ZNF433: variants seen among roughly 807,000 people sequenced by gnomAD.
The protein encoded by ZNF433 is zinc finger protein 433.
A neutral mutation model predicts 10.6 loss-of-function variants in ZNF433; 12 were observed. That is an observed-to-expected ratio of 1.13 (90% CI 0.72 to 1.83). The LOEUF (loss-of-function observed/expected upper bound fraction) is 1.83, where lower values mean the gene tolerates loss of function less well. Among genes scored for constraint, ZNF433 ranks in the 40% most tolerant of loss-of-function variants. The probability of loss-of-function intolerance (pLI) is 0.00; values close to 1 mark genes in which losing one functional copy is unlikely to be tolerated. For synonymous variants in ZNF433, 272 were observed against 271.3 expected (o/e 1.00, Z -0.02); for missense variants, 737 against 798.0 (o/e 0.92, Z 0.92).
chr19:12,024,669 T>C (rs1974653624), intron 1 of ZNF433: 1 of 152,166 alleles, frequency 6.6e-6, no homozygotes, highest in Admixed American at 6.5e-5. Flanking sequence ...ATAAATAGAA[T>C]AGATCCAGAG....
At position 12,015,939 on chromosome 19, in the gene ZNF433, A is replaced by G; in HGVS notation, c.919T>C (p.Tyr307His). 1 of 1,614,110 alleles carries G rather than the reference A, an allele frequency of 6.2e-7. No individual in the cohort carries two copies. Among genetic ancestry groups the G allele is most frequent in the African/African-American group, 1.3e-5 (1 of 75,046 alleles). The change falls in exon 4 of 4, where the codon TAT becomes CAT. Residue 307 changes from tyrosine (Y) to histidine (H), a missense_variant. Transcript: ENST00000550507. Reference protein sequence around the residue: ...HERTHTGEKPYECKECGKAFK... With the variant: ...HERTHTGEKPHECKECGKAFK... ...GCTTTTCCACATTCCTTACATTCAT[A>G]TGGCTTCTCCCCCGTGTGAGTTCTT...
At chr19:12,017,828 C>A in intron 3 of ZNF433, 48 bp downstream of exon 3, 6 of 1,065,464 alleles carry the variant, frequency 5.6e-6, no homozygotes, top group South Asian at 4.4e-5. Context: ...TTCTCCCATT[C>A]TAAGATTTTC....
chr19:12,035,091 T>A (rs1975219138), intron 1 of ZNF433, among the ~76,000 whole-genome samples: 1 of 152,208 alleles, frequency 6.6e-6, no homozygotes, highest in African/African-American at 2.4e-5. Context: ...ATTAATATAT[T>A]TTTTAAAACC....
chr19:12,023,156 ATATC>A (rs1250368268), intron 1 of ZNF433: 3 of 152,228 alleles, frequency 2.0e-5, no homozygotes, highest in East Asian at 1.9e-4. Context: ...CCCTTGTACA[ATATC>A]TATCCCCCAC....
chr19:12,029,604 A>G (rs1433950910), intron 1 of ZNF433, among the ~76,000 whole-genome samples: 2 of 148,182 alleles, frequency 1.3e-5, no homozygotes, highest in East Asian at 4.0e-4. Flanking sequence ...AAATGTTTGC[A>G]TTTTCCCACT....
rs779658291 is a variant in ZNF433 at position 12,016,458 on chromosome 19, A to G, written c.400T>C (p.Tyr134His). The change falls in exon 4 of 4, where the codon TAT (tyrosine) becomes CAT (histidine). Residue 134 changes from tyrosine (Y) to histidine (H), a missense_variant. Transcript: ENST00000550507. ...TGHKAYEYQE[Y>H]GQKPYKCKYC... ...TTACATTTATATGGTTTCTGTCCAT[A>G]TTCTTGATACTCATATGCCTTGTGT... 1 of 1,614,134 alleles carries G rather than the reference A, an allele frequency of 6.2e-7. No homozygotes were observed. The highest frequency in any genetic ancestry group is 1.7e-5 in the Admixed American group (1 of 60,004).
chr19:12,025,342 G>T (rs1335572396), intron 1 of ZNF433: 1 of 152,204 alleles, frequency 6.6e-6, no homozygotes, highest in Non-Finnish European at 1.5e-5. Flanking sequence ...GTTAGAAATA[G>T]AATACACCCT....
intron 1 of ZNF433, among the ~76,000 whole-genome samples, chr19:12,019,528 T>G (rs1599356397): frequency 6.6e-6 from 1 of 152,168 alleles, no homozygotes; most frequent in Non-Finnish European, 1.5e-5. Context: ...AACAGTACAG[T>G]AGTGCCTAAA....
intron 1 of ZNF433, among the ~76,000 whole-genome samples, chr19:12,032,675 G>C (rs1975092223): frequency 6.6e-6 from 1 of 151,828 alleles, no homozygotes; most frequent in Non-Finnish European, 1.5e-5. Context: ...GTTGAAACAG[G>C]GTTTCATCAT....
At chr19:12,020,571 G>T (rs1974437051) in intron 1 of ZNF433, among the ~76,000 whole-genome samples, 1 of 152,152 alleles carries the variant, frequency 6.6e-6, no homozygotes, top group Non-Finnish European at 1.5e-5. Context: ...AGAGGAGTGA[G>T]TGTTTTGGAA....
At position 12,015,819 on chromosome 19, in the gene ZNF433, G is replaced by C; in HGVS notation, c.1039C>G (p.Leu347Val). The C allele has an allele frequency of 6.2e-7, 1 of 1,613,916 alleles. No individual in the cohort carries two copies. Among genetic ancestry groups the C allele is most frequent in the South Asian group, 1.1e-5 (1 of 91,044 alleles). Reference sequence around the variant, plus strand: ...CCCAAGTGGTTTTGAAAGCTGGTAAGATAAGATAATACTTTCCCACAATGT... The same window carrying C: ...CCCAAGTGGTTTTGAAAGCTGGTAACATAAGATAATACTTTCCCACAATGT... ...CKHCGKVLSY[L>V]TSFQNHLGMH... Residue 347 changes from leucine (L) to valine (V), a missense_variant, in exon 4 of 4, where the codon CTT (leucine) becomes GTT (valine). Leu to Val is a conservative substitution (Grantham distance 32, BLOSUM62 1). Coordinates refer to ENST00000550507, the MANE Select transcript of ZNF433 (RefSeq NM_001308348.2).
At position 12,015,803 on chromosome 19, in the gene ZNF433, T is replaced by C. The variant is rs1166864798; in HGVS notation, c.1055A>G (p.Asn352Ser). 6.2e-7 allele frequency: 1 copy of C among 1,613,716 alleles called. No individual in the cohort carries two copies. The highest frequency in any genetic ancestry group is 1.7e-5 in the Admixed American group (1 of 59,974). Reference protein sequence around the residue: ...KVLSYLTSFQNHLGMHTGEIS... With the variant: ...KVLSYLTSFQSHLGMHTGEIS... ...CTCTCCAGTGTGCATTCCCAAGTGG[T>C]TTTGAAAGCTGGTAAGATAAGATAA... The change falls in exon 4 of 4, where the codon AAC (asparagine) becomes AGC (serine). Residue 352 changes from asparagine to serine, a missense_variant. Asn to Ser is a conservative substitution (Grantham distance 46, BLOSUM62 1). Coordinates refer to ENST00000550507, the MANE Select transcript of ZNF433 (RefSeq NM_001308348.2).
rs751882351 is a variant in ZNF433, at chr19:12,016,192, T to C, written c.666A>G (p.Pro222=). The C allele has an allele frequency of 6.8e-6, 11 of 1,613,384 alleles. No homozygotes were observed. The highest frequency in any genetic ancestry group is 4.5e-5 in the East Asian group (2 of 44,800). Residue 222 remains proline, a synonymous_variant, in exon 4 of 4, where the codon CCA becomes CCG. Coordinates refer to ENST00000550507, the MANE Select transcript of ZNF433 (RefSeq NM_001308348.2). The stretch of plus-strand genomic sequence containing the variant: ...CTTTACCACACTGTTTACATTGATA[T>C]GGTTTCTCTCCAGTGTGAGTTCGTT... ...IHKRTHTGEK[P]YQCKQCGKAF... is the part of the protein sequence containing the mutation.
At chr19:12,021,761 G>C (rs1263606453) in intron 1 of ZNF433, among the ~76,000 whole-genome samples, 2 of 152,010 alleles carry the variant, frequency 1.3e-5, no homozygotes, top group Non-Finnish European at 2.9e-5. Flanking sequence ...GGGATAATAG[G>C]CTCTCTCCCT....
intron 1 of ZNF433, chr19:12,026,682 C>G: frequency 2.2e-6 from 1 of 454,014 alleles, no homozygotes. Context: ...TGGACCTGGT[C>G]AGAAAAAATG....
chr19:12,026,948 T>C (rs956030204), intron 1 of ZNF433: 1 of 454,064 alleles, frequency 2.2e-6, no homozygotes, highest in Non-Finnish European at 4.4e-6. Context: ...TCAAATGATA[T>C]GGCCTGCTGT....
At position 12,015,141 on chromosome 19, in the gene ZNF433, G is replaced by A. The variant is rs1347057051; in HGVS notation, c.1717C>T (p.His573Tyr). 1.2e-6 allele frequency: 2 copies of A among 1,612,896 alleles called. No homozygotes were observed. Among genetic ancestry groups the A allele is most frequent in the Admixed American group, 1.7e-5 (1 of 59,932 alleles). Residue 573 changes from histidine (H) to tyrosine (Y), a missense_variant, in exon 4 of 4, where the codon CAC becomes TAC. By Grantham distance (83) the His-to-Tyr change is moderately conservative. Transcript: ENST00000550507. The stretch of plus-strand genomic sequence containing the variant: ...TGAGTCCTTCCATGCATTTGAAGGT[G>A]TGAGGCAGATCCAAAGGCTTTCCCA... ...QCGKAFGSAS[H>Y]LQMHGRTHTG...
chr19:12,017,072 A>T (rs910834859), intron 3 of ZNF433, among the ~76,000 whole-genome samples: 3 of 151,930 alleles, frequency 2.0e-5, no homozygotes, highest in Non-Finnish European at 2.9e-5. Context: ...CATCCAGCAA[A>T]CTGTAGGCTT....
Position 12,015,949 on chromosome 19 carries a change from C to A in ZNF433, c.909G>T (p.Gly303=). ...SFQIHERTHT[G]EKPYECKECG... ...ATTCCTTACATTCATATGGCTTCTC[C>A]CCCGTGTGAGTTCTTTCATGTATTT... The change falls in exon 4 of 4, where the codon GGG becomes GGT. Residue 303 remains glycine, a synonymous_variant. Transcript: ENST00000550507. 1 of 1,613,394 alleles carries A rather than the reference C, an allele frequency of 6.2e-7. No individual in the cohort carries two copies. Among genetic ancestry groups the A allele is most frequent in the Non-Finnish European group, 8.5e-7 (1 of 1,179,802 alleles).
Sources: allele counts gnomAD v4.1 joint callset (sites outside exome capture counted in the v4.1 genomes callset), GRCh38; gene constraint gnomAD v4.1.1; transcripts MANE v1.5; gene names NCBI Gene and HGNC (gene_info 2026-07-23, HGNC 2026-07-21).